Variants in CHCHD3 observed in about 807,000 individuals in gnomAD.
CHCHD3 encodes MICOS complex subunit MIC19.
In CHCHD3, 20 loss-of-function variants were observed where a neutral mutation model predicts 38.2. The ratio of observed to expected loss-of-function variants is 0.52; its 90% CI spans 0.37 to 0.76. CHCHD3 has a LOEUF of 0.76. Among genes scored for constraint, CHCHD3 ranks in the 30% least tolerant of loss-of-function variants. The pLI, the probability that CHCHD3 is intolerant of heterozygous loss-of-function variation, is 0.00. For synonymous variants in CHCHD3, 82 were observed against 100.0 expected (o/e 0.82, Z 1.07); for missense variants, 245 against 279.2 (o/e 0.88, Z 0.87).
intron 4 of CHCHD3, among the ~76,000 whole-genome samples, chr7:132,963,677 T>C (rs7784029): frequency 1.6e-3 from 212 of 135,548 alleles, no homozygotes; most frequent in African/African-American, 5.7e-3. Flanking sequence ...CTTTACCCTA[T>C]GCAACACAAA....
At chr7:132,811,795 C>T (rs749846810) in intron 6 of CHCHD3, among the ~76,000 whole-genome samples, 1 of 152,138 alleles carries the variant, frequency 6.6e-6, no homozygotes, top group Non-Finnish European at 1.5e-5. Flanking sequence ...TCTAACTGAT[C>T]CCTCAATGTT....
chr7:133,018,703 GTTTTTATTTTAATATAA>G (rs978539544), intron 3 of CHCHD3, among the ~76,000 whole-genome samples: 2 of 151,852 alleles, frequency 1.3e-5, no homozygotes, highest in Admixed American at 6.6e-5. Context: ...GATAATTTAA[GTTTTTATTTTAATATAA>G]TGTAGAATAG....
chr7:133,065,694 CTAT>C (rs1814648424), intron 2 of CHCHD3, among the ~76,000 whole-genome samples: 2 of 152,126 alleles, frequency 1.3e-5, no homozygotes, highest in African/African-American at 4.8e-5. Flanking sequence ...CCTAAGAAAT[CTAT>C]TATTGAGTAC....
At chr7:132,815,428 T>C in intron 6 of CHCHD3, 1 of 359,186 alleles carries the variant, frequency 2.8e-6, no homozygotes, top group Non-Finnish European at 5.5e-6. Flanking sequence ...ATGGCAGGAA[T>C]GACTGCACAT....
At chr7:132,823,325 T>C (rs1401940900) in intron 6 of CHCHD3, among the ~76,000 whole-genome samples, 1 of 152,242 alleles carries the variant, frequency 6.6e-6, no homozygotes, top group Non-Finnish European at 1.5e-5. Flanking sequence ...TAACTTTAGA[T>C]AAACTATGTT....
intron 5 of CHCHD3, among the ~76,000 whole-genome samples, chr7:132,846,165 T>C (rs983815920): frequency 3.3e-5 from 5 of 152,206 alleles, no homozygotes; most frequent in Admixed American, 6.5e-5. Context: ...TCCCCATCCC[T>C]TCAGTCTGGG....
intron 4 of CHCHD3, among the ~76,000 whole-genome samples, chr7:132,914,123 C>CGTGTGT (rs200561468): frequency 0.026 from 3,393 of 132,232 alleles, 69 homozygotes; most frequent in African/African-American, 0.045. Context: ...CCATGCCTGG[C>CGTGTGT]GTGTGTGTGT....
At chr7:132,823,751 C>T (rs1199862016) in intron 6 of CHCHD3, among the ~76,000 whole-genome samples, 11 of 152,128 alleles carry the variant, frequency 7.2e-5, no homozygotes. Context: ...CCAGATAAAA[C>T]ACATCTGAAT....
At chr7:132,949,805 T>G (rs937632171) in intron 4 of CHCHD3, among the ~76,000 whole-genome samples, 2 of 150,602 alleles carry the variant, frequency 1.3e-5, no homozygotes, top group African/African-American at 4.9e-5. Context: ...CACAAAGGAG[T>G]TAGGAGTGCA....
At chr7:133,009,190 C>T (rs10257319) in intron 3 of CHCHD3, among the ~76,000 whole-genome samples, 5,342 of 151,750 alleles carry the variant, frequency 0.035, 306 homozygotes, top group African/African-American at 0.12. Context: ...ATGTGACACC[C>T]CATCTCTATT....
At position 132,989,716 on chromosome 7, in the gene CHCHD3, C is replaced by T. The variant is rs13243397; in HGVS notation, c.252-14430G>A. Among the ~76,000 whole-genome samples, 3 of 152,310 alleles carry T rather than the reference C, an allele frequency of 2.0e-5. No homozygotes were observed. The South Asian group carries it at 6.2e-4, about 32-fold the overall frequency. On this transcript the variant is annotated intron_variant, in intron 3 of 7. Transcript: ENST00000262570. ...TATCCATGGCTCCTGCACCCACTCT[C>T]TCTCAGAAATTCACAACCAAAACTA...
At chr7:132,947,688 G>A (rs1810932086) in intron 4 of CHCHD3, among the ~76,000 whole-genome samples, 1 of 151,750 alleles carries the variant, frequency 6.6e-6, no homozygotes, top group Non-Finnish European at 1.5e-5. Context: ...ATTTGATAAT[G>A]TTATAATAAG....
chr7:132,869,353 G>A lies in CHCHD3; in HGVS notation c.453+16309C>T, dbSNP rs372239334. ...CATAGAATTTAATAAACATACCAAAGGATTGAATATGCAGAAGTGAAAGCT... is the reference window on the plus strand; with the variant it reads ...CATAGAATTTAATAAACATACCAAAAGATTGAATATGCAGAAGTGAAAGCT... On this transcript the variant is annotated intron_variant, in intron 5 of 7. Transcript: ENST00000262570. Among the ~76,000 whole-genome samples, 11 of 152,072 alleles carry A rather than the reference G, an allele frequency of 7.2e-5. No homozygotes were observed. In the East Asian group the frequency reaches 9.7e-4, roughly 13 times the overall value.
At chr7:132,927,074 C>T (rs951697739) in intron 4 of CHCHD3, among the ~76,000 whole-genome samples, 4 of 152,174 alleles carry the variant, frequency 2.6e-5, no homozygotes, top group African/African-American at 7.2e-5. Flanking sequence ...CAGGCTATTG[C>T]AATGTCTTCA....
At chr7:132,958,412 T>C (rs1221139304) in intron 4 of CHCHD3, among the ~76,000 whole-genome samples, 1 of 151,188 alleles carries the variant, frequency 6.6e-6, no homozygotes, top group African/African-American at 2.4e-5. Flanking sequence ...GCTGTGATAA[T>C]AAAAAAAATA....
chr7:133,071,556 T>C (rs1344107204), intron 1 of CHCHD3, among the ~76,000 whole-genome samples: 1 of 151,926 alleles, frequency 6.6e-6, no homozygotes, highest in Non-Finnish European at 1.5e-5. Flanking sequence ...AGAGAACAGA[T>C]TGGAGGGGGA....
intron 2 of CHCHD3, among the ~76,000 whole-genome samples, chr7:133,067,272 G>GA (rs34430444): frequency 0.074 from 11,267 of 151,596 alleles, 940 homozygotes; most frequent in East Asian, 0.21. Flanking sequence ...CAGGAGGTAG[G>GA]AAAAAAAATC....
At chr7:132,896,077 A>T (rs1286455594) in intron 4 of CHCHD3, among the ~76,000 whole-genome samples, 1 of 152,016 alleles carries the variant, frequency 6.6e-6, no homozygotes, top group African/African-American at 2.4e-5. Context: ...TGCTTGTGTT[A>T]TCTATCATCT....
At chr7:133,079,538 G>A (rs1047877395) in intron 1 of CHCHD3, among the ~76,000 whole-genome samples, 3 of 152,166 alleles carry the variant, frequency 2.0e-5, no homozygotes, top group African/African-American at 7.2e-5. Flanking sequence ...AATCTACAAT[G>A]TGCCAGGTGC....
Sources: allele counts gnomAD v4.1 joint callset (sites outside exome capture counted in the v4.1 genomes callset), GRCh38; gene constraint gnomAD v4.1.1; transcripts MANE v1.5; gene names NCBI Gene and HGNC (gene_info 2026-07-23, HGNC 2026-07-21).